Variants in MCF2L observed in about 807,000 individuals in gnomAD.
MCF2L encodes MCF.2 cell line derived transforming sequence like, also known as guanine nucleotide exchange factor DBS.
MCF2L carries 97 observed loss-of-function variants against 153.4 expected under a neutral mutation model. The observed-to-expected ratio is 0.63, with a 90% CI of 0.54 to 0.75. The LOEUF is 0.75. Ranked by LOEUF, MCF2L falls within the 30% of genes least tolerant of loss-of-function variation. The probability of loss-of-function intolerance (pLI) is 0.00; values close to 1 mark genes in which losing one functional copy is unlikely to be tolerated. For synonymous variants in MCF2L, 659 were observed against 632.2 expected, an observed-to-expected ratio of 1.04 and a Z score of -0.64; for missense variants, 1,347 against 1,495.2, an observed-to-expected ratio of 0.90 and a Z score of 1.64.
chr13:112,911,120 T>C (rs1414425233), intron 2 of MCF2L, among the ~76,000 whole-genome samples: 1 of 152,122 alleles, frequency 6.6e-6, no homozygotes, highest in African/African-American at 2.4e-5. Context: ...CCCCCGCGGG[T>C]CTTCGGGAGC....
At position 113,032,176 on chromosome 13, in the gene MCF2L, C is replaced by T. The variant is rs149234406; in HGVS notation, c.278+7418C>T. Among the ~76,000 whole-genome samples, 297 of 152,314 alleles carry T rather than the reference C, an allele frequency of 1.9e-3. 1 individual carries two copies. The highest frequency in any genetic ancestry group is 5.9e-3 in the African/African-American group (244 of 41,560). On this transcript the variant is annotated intron_variant, in intron 3 of 29. Transcript: ENST00000535094. ...GGAGCCAACTCGGTTTGTCGTCCCC[C>T]TGCGGTGACCTGAGCACCCTGTCCT... is the stretch of plus-strand genomic sequence containing the variant.
At chr13:113,088,509 G>C (rs571183299) in intron 24 of MCF2L, 53 bp from the exon 25 acceptor site, 6 of 1,608,130 alleles carry the variant, frequency 3.7e-6, no homozygotes, top group South Asian at 2.2e-5. Flanking sequence ...AAGGTGCCTC[G>C]GCGTTGAAGT....
intron 1 of MCF2L, among the ~76,000 whole-genome samples, chr13:112,976,775 G>A (rs1298195819): frequency 1.3e-5 from 2 of 152,216 alleles, no homozygotes; most frequent in Non-Finnish European, 2.9e-5. Context: ...CGACAGAGCC[G>A]TGAGGAGACA....
chr13:112,974,987 C>A (rs1376410086), intron 1 of MCF2L, among the ~76,000 whole-genome samples: 1 of 152,242 alleles, frequency 6.6e-6, no homozygotes, highest in East Asian at 1.9e-4. Context: ...ATAGCCCCTT[C>A]TTTCACCAGA....
intron 1 of MCF2L, among the ~76,000 whole-genome samples, chr13:113,005,416 G>T (rs886689871): frequency 1.3e-5 from 2 of 152,230 alleles, no homozygotes; most frequent in African/African-American, 4.8e-5. Flanking sequence ...AAGTCTGGGG[G>T]TCTGTTCGTG....
In MCF2L at chr13:113,029,615, G is replaced by T. The variant is rs540188875; in HGVS notation, c.278+4857G>T. On this transcript the variant is annotated intron_variant, in intron 3 of 29. Transcript: ENST00000535094. The stretch of plus-strand genomic sequence containing the variant: ...TGCGCCCTGAGGGTGCTGTGTCCCC[G>T]GGAAGTACCCTCTGCGGGGGACCCT... Among the ~76,000 whole-genome samples, 13 of 152,352 alleles carry T rather than the reference G, an allele frequency of 8.5e-5. No homozygotes were observed. The Middle Eastern group carries it at 0.01, about 120-fold the overall frequency.
intron 2 of MCF2L, among the ~76,000 whole-genome samples, chr13:112,948,695 C>T (rs996018895): frequency 4.6e-5 from 7 of 152,176 alleles, no homozygotes; most frequent in Admixed American, 2.0e-4. Flanking sequence ...TTCTTGTCTA[C>T]CTCTCTAGAA....
chr13:112,940,764 C>A (rs553710191), intron 2 of MCF2L, among the ~76,000 whole-genome samples: 3 of 152,266 alleles, frequency 2.0e-5, no homozygotes, highest in East Asian at 3.9e-4. Context: ...TCACTGTGCA[C>A]ATATTTGTAT....
intron 2 of MCF2L, among the ~76,000 whole-genome samples, chr13:112,934,920 G>T (rs1325255986): frequency 6.6e-6 from 1 of 152,178 alleles, no homozygotes; most frequent in Non-Finnish European, 1.5e-5. Context: ...TTGCTTCCTG[G>T]TCCTGGACAC....
intron 2 of MCF2L, among the ~76,000 whole-genome samples, chr13:112,929,463 G>A (rs748355122): frequency 6.6e-6 from 1 of 152,246 alleles, no homozygotes; most frequent in Non-Finnish European, 1.5e-5. Context: ...ATGGGAGCCT[G>A]CCCTTTCCGC....
chr13:113,096,645 G>T lies in MCF2L; in HGVS notation c.3284G>T (p.Ser1095Ile). The T allele has an allele frequency of 6.3e-7, 1 of 1,588,492 alleles. No homozygotes were observed. ...CCGTCCGGCTCGGCCCAGTGCCTGAGCAGCTCAGGTAAGGCCCACGTGCCC... is the reference window on the plus strand; with the variant it reads ...CCGTCCGGCTCGGCCCAGTGCCTGATCAGCTCAGGTAAGGCCCACGTGCCC... ...LGPSGSAQCL[S>I]SSESSPGSAV... Residue 1095 changes from serine (S) to isoleucine (I), a missense_variant, in exon 29 of 30, where the codon AGC (serine) becomes ATC (isoleucine). Coordinates refer to ENST00000535094, the MANE Select transcript of MCF2L (RefSeq NM_001112732.3).
chr13:113,040,411 C>CGTGTGTGTGTGTGTGTGTGTGTGT (rs1566784016), intron 3 of MCF2L: 10 of 21,004 alleles, frequency 4.8e-4, no homozygotes, highest in African/African-American at 8.1e-4. Flanking sequence ...GGAGGGCCTT[C>CGTGTGTGTGTGTGTGTGTGTGTGT]CTGTGTGTGT....
In MCF2L at chr13:113,081,252, C is replaced by T. The variant is rs61752696; in HGVS notation, c.1848C>T (p.Tyr616=). 38 of 1,592,364 alleles carry T rather than the reference C, an allele frequency of 2.4e-5. No individual in the cohort carries two copies. In the South Asian group the frequency reaches 3.6e-4, roughly 15 times the overall value. ...MSELLDTERA[Y]VEELLCVLEG... is the part of the protein sequence containing the mutation. The stretch of plus-strand genomic sequence containing the variant: ...AGCTCCTGGACACAGAACGGGCCTA[C>T]GTGGAGGAGCTGCTGTGCGTCCTGG... The change falls in exon 16 of 30, where the codon TAC becomes TAT. Residue 616 remains tyrosine (Y), a synonymous_variant. Coordinates refer to ENST00000535094, the MANE Select transcript of MCF2L (RefSeq NM_001112732.3).
In MCF2L at chr13:113,045,358, C is replaced by T. The variant is rs752907263; in HGVS notation, c.366C>T (p.Ile122=). ...CCGTGAAGGCGTCCGTCCTGCGCAT[C>T]GCAGTAAGTGCCACCCGGGGCTCTG... The part of the protein sequence containing the change: ...WTSVKASVLR[I]AASFPANLQL... Residue 122 remains isoleucine (I), a synonymous_variant, in exon 4 of 30, where the codon ATC becomes ATT. Coordinates refer to ENST00000535094, the MANE Select transcript of MCF2L (RefSeq NM_001112732.3). The surrounding 1 kb of genome is among the most constrained non-coding windows in gnomAD (Gnocchi z 4.2). The T allele has an allele frequency of 5.0e-6, 8 of 1,613,652 alleles. No individual in the cohort carries two copies. In the Admixed American group the frequency reaches 5.0e-5, roughly 10 times the overall value.
chr13:112,910,530 T>A (rs1053947165), intron 2 of MCF2L: 5 of 152,246 alleles, frequency 3.3e-5, no homozygotes, highest in African/African-American at 1.2e-4. Context: ...ATAAAAACGA[T>A]ACACAGTCTT....
upstream of MCF2L, chr13:112,968,801 C>T: frequency 7.4e-7 from 1 of 1,343,120 alleles, no homozygotes; most frequent in Non-Finnish European, 9.5e-7. Flanking sequence ...GCCCGCAAAC[C>T]AGGAGGGCGT....
chr13:112,898,109 G>A (rs922613317), intron 1 of MCF2L, among the ~76,000 whole-genome samples: 12 of 152,334 alleles, frequency 7.9e-5, no homozygotes, highest in Admixed American at 2.6e-4. Context: ...TAATACTGGC[G>A]ATTTACAGTG....
At position 113,098,981 on chromosome 13, in the gene MCF2L, T is replaced by G. The variant is rs2035823173; in HGVS notation, c.*2122T>G. ...GCTCACAACAGACGTGATCATGTTA[T>G]GCTGGCCTGGAAGAGCATCGGATCA... On this transcript the variant is annotated 3_prime_UTR_variant, in exon 30 of 30. Transcript: ENST00000535094. The G allele has an allele frequency of 6.6e-6, 1 of 152,274 alleles. No individual in the cohort carries two copies. Among genetic ancestry groups the G allele is most frequent in the African/African-American group, 2.4e-5 (1 of 41,460 alleles). 9.4% of individuals were successfully genotyped at this position (152,274 alleles called of 1,614,324 possible). A position where few individuals can be genotyped will look rare whatever the true frequency, so the allele number is the denominator to read the frequency against.
At chr13:112,923,341 G>T (rs2081372459) in intron 2 of MCF2L, among the ~76,000 whole-genome samples, 1 of 137,422 alleles carries the variant, frequency 7.3e-6, no homozygotes, top group South Asian at 2.3e-4. Context: ...TCGGCTCACT[G>T]CAAGCTCCGC....
Sources: allele counts gnomAD v4.1 joint callset (sites outside exome capture counted in the v4.1 genomes callset), GRCh38; gene constraint gnomAD v4.1.1; non-coding constraint Gnocchi (gnomAD v3.1); transcripts MANE v1.5; gene names NCBI Gene and HGNC (gene_info 2026-07-23, HGNC 2026-07-21).